Variants in ECPAS observed in about 807,000 individuals in gnomAD.
ECPAS encodes the protein proteasome adapter and scaffold protein ECM29.
In ECPAS, 70 loss-of-function variants were observed where a neutral mutation model predicts 255.1. The ratio of observed to expected loss-of-function variants is 0.27; its 90% CI spans 0.23 to 0.33. ECPAS has a LOEUF of 0.33. ECPAS is among the 10% of genes least tolerant of loss of function. ECPAS has a pLI of 1.00. For missense variants in ECPAS, 1,817 were observed against 2,206.4 expected (o/e 0.82, Z 3.54); for synonymous variants, 784 against 775.0 (o/e 1.01, Z -0.19).
At chr9:111,415,228 CGTGT>C (rs541242640) in intron 18 of ECPAS, among the ~76,000 whole-genome samples, 10 of 126,920 alleles carry the variant, frequency 7.9e-5, no homozygotes, top group South Asian at 2.6e-4. Flanking sequence ...TTTTAAAAGC[CGTGT>C]GTGTGTGTGT....
At chr9:111,422,288 G>T in intron 13 of ECPAS, 88 bp from the exon 14 acceptor site, 1 of 1,361,010 alleles carries the variant, frequency 7.3e-7, no homozygotes, top group South Asian at 1.2e-5. Flanking sequence ...AAATTTTCCT[G>T]AACTCTCTGA....
chr9:111,368,731 A>G (rs569920711), intron 46 of ECPAS, among the ~76,000 whole-genome samples: 2 of 152,302 alleles, frequency 1.3e-5, no homozygotes, highest in Admixed American at 1.3e-4. Context: ...CTCAGGAGAA[A>G]CTAACCCTGC....
At chr9:111,483,302 T>A (rs2098309618) in intron 1 of ECPAS, among the ~76,000 whole-genome samples, 1 of 151,756 alleles carries the variant, frequency 6.6e-6, no homozygotes, top group Non-Finnish European at 1.5e-5. Context: ...AACGTGACGG[T>A]GCAAACCTGA....
Position 111,430,516 on chromosome 9 carries a change from G to A in ECPAS, c.930+31C>T, listed in dbSNP as rs189161185. 1,208 of 1,355,492 alleles carry A rather than the reference G, an allele frequency of 8.9e-4. 11 individuals are homozygous for A. The African/African-American group carries it at 0.015, about 17-fold the overall frequency. The allele number at this position is 1,355,492 out of a possible 1,614,324, so 84.0% of individuals were successfully genotyped here. On this transcript the variant is annotated intron_variant, in intron 9 of 49. Transcript: ENST00000684092. ...TTCATGTCAACAAACTACTTTTTAC[G>A]CTGATGTGAGAATAAATCAAAACAA...
chr9:111,433,198 CT>C (rs1209576357), intron 8 of ECPAS, 34 bp downstream of exon 8: 2 of 1,600,350 alleles, frequency 1.2e-6, no homozygotes, highest in African/African-American at 2.7e-5. Context: ...AAATGTAGTC[CT>C]TTCAATCTTG....
intron 13 of ECPAS, among the ~76,000 whole-genome samples, chr9:111,422,838 G>C (rs533158843): frequency 4.6e-5 from 7 of 152,234 alleles, no homozygotes; most frequent in Admixed American, 2.6e-4. Context: ...TCTCAGAAAA[G>C]AGAATCACTA....
intron 6 of ECPAS, among the ~76,000 whole-genome samples, chr9:111,437,993 GATAGTAAGTT>G (rs1225643318): frequency 1.3e-5 from 2 of 152,044 alleles, no homozygotes; most frequent in Admixed American, 6.6e-5. Context: ...AACCTGATAG[GATAGTAAGTT>G]ATTCCACATT....
intron 2 of ECPAS, among the ~76,000 whole-genome samples, chr9:111,460,966 C>T (rs1564561357): frequency 6.6e-6 from 1 of 152,048 alleles, no homozygotes; most frequent in Non-Finnish European, 1.5e-5. Context: ...TGGTTCCAGG[C>T]CAGCCTGGGC....
chr9:111,402,952 TTACC>T lies in ECPAS; in HGVS notation c.2652+5615_2652+5618del, dbSNP rs1589149784. On this transcript the variant is annotated intron_variant, in intron 24 of 49. Coordinates refer to ENST00000684092, the MANE Select transcript of ECPAS (RefSeq NM_001364929.1). ...AAACAAACTGGCAGTAGTTAAGTCT[TTACC>T]TAACAATAATAAACTGACTGTTGAT... 2.0e-5 allele frequency among the ~76,000 whole-genome samples: 3 copies of T among 152,268 alleles called. No homozygotes were observed. In the East Asian group the frequency reaches 5.8e-4, roughly 29 times the overall value.
chr9:111,412,624 C>G (rs2098196424), intron 20 of ECPAS, among the ~76,000 whole-genome samples: 2 of 152,126 alleles, frequency 1.3e-5, no homozygotes, highest in African/African-American at 4.8e-5. Flanking sequence ...AGCTTGCAAA[C>G]CATACAAAAA....
At position 111,432,783 on chromosome 9, in the gene ECPAS, T is replaced by C. The variant is rs138637756; in HGVS notation, c.848+450A>G. ...ATATTTTCTATAAGTCTATTTCCTA[T>C]CTGTATCTCCTCGTGTGTGAATTAG... is the stretch of plus-strand genomic sequence containing the variant. On this transcript the variant is annotated intron_variant, in intron 8 of 49. Transcript: ENST00000684092. Among the ~76,000 whole-genome samples the C allele has an allele frequency of 1.1e-4, 16 of 152,364 alleles. No homozygotes were observed. In the East Asian group the frequency reaches 2.1e-3, roughly 20 times the overall value.
In ECPAS at chr9:111,442,368, T is replaced by C. The variant is rs371929746; in HGVS notation, c.327A>G (p.Gln109=). The change falls in exon 5 of 50, where the codon CAA becomes CAG. Residue 109 remains glutamine (Q), a synonymous_variant. Coordinates refer to ENST00000684092, the MANE Select transcript of ECPAS (RefSeq NM_001364929.1). ...MGYPRLPVEK[Q]CELAPTLLTA... ...TAAGAAGCGTAGGGGCCAGTTCACA[T>C]TGTTTTTCCACTGGTAGGCGAGGAT... The C allele has an allele frequency of 3.2e-5, 51 of 1,613,144 alleles. No homozygotes were observed. The Middle Eastern group carries it at 6.6e-4, about 21-fold the overall frequency.
intron 48 of ECPAS, among the ~76,000 whole-genome samples, chr9:111,365,288 T>TATTATCATC (rs2098118899): frequency 6.8e-6 from 1 of 147,532 alleles, no homozygotes; most frequent in Non-Finnish European, 1.5e-5. Context: ...TAATAACCAT[T>TATTATCATC]ATCATCATCA....
chr9:111,456,282 A>C (rs528392446), intron 2 of ECPAS, among the ~76,000 whole-genome samples: 1 of 152,338 alleles, frequency 6.6e-6, no homozygotes, highest in South Asian at 2.1e-4. Flanking sequence ...CTGGACTGAA[A>C]ACAGAACTGA....
At chr9:111,472,229 C>T (rs2098289347) in intron 2 of ECPAS, among the ~76,000 whole-genome samples, 1 of 150,828 alleles carries the variant, frequency 6.6e-6, no homozygotes, top group Non-Finnish European at 1.5e-5. Flanking sequence ...GTCTGGGTGA[C>T]ACAGCGAGAC....
At chr9:111,369,241 C>A in intron 45 of ECPAS, 68 bp from the exon 46 acceptor site, 1 of 1,235,970 alleles carries the variant, frequency 8.1e-7, no homozygotes. Context: ...ACTATTAAAG[C>A]TATCAGGGTA....
intron 1 of ECPAS, among the ~76,000 whole-genome samples, chr9:111,475,631 G>A (rs996953420): frequency 5.3e-5 from 8 of 151,934 alleles, no homozygotes; most frequent in African/African-American, 1.9e-4. Flanking sequence ...AGCTACTCAG[G>A]AGGCTGAGAC....
intron 15 of ECPAS, among the ~76,000 whole-genome samples, chr9:111,421,421 G>A (rs75858489): frequency 6.7e-6 from 1 of 148,278 alleles, no homozygotes; most frequent in African/African-American, 2.5e-5. Context: ...GTGTGTGTGT[G>A]TGTGTGTGTG....
chr9:111,462,939 G>A (rs865780455), intron 2 of ECPAS, among the ~76,000 whole-genome samples: 9 of 151,812 alleles, frequency 5.9e-5, no homozygotes, highest in South Asian at 4.2e-4. Context: ...ATGCAGTTTC[G>A]CCATGTTGGT....
Sources: gnomAD v4.1 joint callset for allele counts (sites outside exome capture counted in the v4.1 genomes callset) on GRCh38, gnomAD v4.1.1 for gene constraint, MANE v1.5 for transcripts, NCBI Gene and HGNC (gene_info 2026-07-23, HGNC 2026-07-21) for gene names.